SLC25A19: variants seen among roughly 807,000 people sequenced by gnomAD.
The protein encoded by SLC25A19 is mitochondrial thiamine pyrophosphate carrier.
In SLC25A19, 18 loss-of-function variants were observed where a neutral mutation model predicts 27.9. The ratio of observed to expected loss-of-function variants is 0.64; its 90% CI spans 0.45 to 0.96. The LOEUF (loss-of-function observed/expected upper bound fraction) is 0.96, where lower values mean the gene tolerates loss of function less well. SLC25A19 is among the 40% of genes least tolerant of loss of function. SLC25A19 has a pLI of 0.00. For missense variants in SLC25A19, 371 were observed against 418.3 expected (o/e 0.89, Z 0.99); for synonymous variants, 169 against 167.1 (o/e 1.01, Z -0.09).
chr17:75,282,793 A>G (rs1171808336), intron 5 of SLC25A19, among the ~76,000 whole-genome samples: 3 of 151,822 alleles, frequency 2.0e-5, no homozygotes, highest in Non-Finnish European at 4.4e-5. Context: ...CGGAGCTTGC[A>G]GTAGCCGAGA....
chr17:75,277,213 G>T, intron 7 of SLC25A19, 140 bp downstream of exon 7: 1 of 1,087,046 alleles, frequency 9.2e-7, no homozygotes, highest in Non-Finnish European at 1.3e-6. Context: ...ACATGCTTAG[G>T]GATCTCAAGG....
At chr17:75,281,407 T>TCG (rs1229201012) in intron 5 of SLC25A19, among the ~76,000 whole-genome samples, 2 of 152,036 alleles carry the variant, frequency 1.3e-5, no homozygotes, top group Admixed American at 6.6e-5. Context: ...CCAAAGACAC[T>TCG]CGCAATTGGC....
chr17:75,288,285 C>G (rs1315621833), intron 2 of SLC25A19: 1 of 152,214 alleles, frequency 6.6e-6, no homozygotes, highest in Non-Finnish European at 1.5e-5. Flanking sequence ...CTGCTTCTGC[C>G]CAGTTCCTGG....
intron 7 of SLC25A19, 147 bp downstream of exon 7, chr17:75,277,206 T>C (rs2077911414): frequency 4.8e-6 from 5 of 1,035,056 alleles, no homozygotes; most frequent in Non-Finnish European, 7.0e-6. Flanking sequence ...CTTTCCCACA[T>C]GCTTAGGGAT....
chr17:75,279,984 A>G (rs1242981974), intron 5 of SLC25A19, among the ~76,000 whole-genome samples: 1 of 152,016 alleles, frequency 6.6e-6, no homozygotes, highest in Non-Finnish European at 1.5e-5. Context: ...TTTTGTAGAG[A>G]GCCATGTTGC....
intron 4 of SLC25A19, among the ~76,000 whole-genome samples, chr17:75,284,934 A>G (rs1044059342): frequency 6.7e-6 from 1 of 148,638 alleles, no homozygotes; most frequent in African/African-American, 2.5e-5. Context: ...TGAGCCACCG[A>G]GCTTGGCCCT....
At position 75,273,776 on chromosome 17, in the gene SLC25A19, G is replaced by A. The variant is rs200303259; in HGVS notation, c.775-137C>T. 1.1e-3 allele frequency: 473 copies of A among 433,404 alleles called. 6 individuals carry two copies. In the East Asian group the frequency reaches 0.028, roughly 26 times the overall value. The allele number at this position is 433,404 out of a possible 1,614,324, so 26.8% of individuals were successfully genotyped here. A position where few individuals can be genotyped will look rare whatever the true frequency, so the allele number is the denominator to read the frequency against. The stretch of plus-strand genomic sequence containing the variant: ...AAATAGCAAATTATTTTATTTTTTC[G>A]TTGAGGCAGAGTCTCACTCTGTTGC... On this transcript the variant is annotated intron_variant, in intron 7 of 7. Coordinates refer to ENST00000416858, the MANE Select transcript of SLC25A19 (RefSeq NM_001126121.2).
intron 7 of SLC25A19, chr17:75,273,995 C>T: frequency 3.1e-6 from 1 of 323,326 alleles, no homozygotes; most frequent in East Asian, 8.5e-5. Context: ...CTCCTGACCT[C>T]AGGTGATCCA....
rs756761648 is a variant in SLC25A19 at position 75,277,497 on chromosome 17, G to T, written c.644-14C>A. ...TTTGGAGGTTCTCTGAACCAGAGAA[G>T]TGGGATTGGGAGAATGGATGAGAGA... On this transcript the variant is annotated splice_polypyrimidine_tract_variant and intron_variant, in intron 6 of 7. Coordinates refer to ENST00000416858, the MANE Select transcript of SLC25A19 (RefSeq NM_001126121.2). 6.2e-7 allele frequency: 1 copy of T among 1,613,626 alleles called. No homozygotes were observed. The highest frequency in any genetic ancestry group is 1.3e-5 in the African/African-American group (1 of 74,928).
At chr17:75,280,783 A>G (rs2078020337) in intron 5 of SLC25A19, among the ~76,000 whole-genome samples, 1 of 151,268 alleles carries the variant, frequency 6.6e-6, no homozygotes, top group African/African-American at 2.4e-5. Context: ...ACTTCATCTG[A>G]AAAAAAAATT....
At chr17:75,276,317 T>C (rs2077885929) in intron 7 of SLC25A19, among the ~76,000 whole-genome samples, 1 of 152,180 alleles carries the variant, frequency 6.6e-6, no homozygotes, top group Non-Finnish European at 1.5e-5. Context: ...ATATATAACC[T>C]AGTTGCTCAA....
chr17:75,288,616 AC>A (rs2078236798), intron 1 of SLC25A19, 25 bp from the exon 2 acceptor site: 1 of 149,704 alleles, frequency 6.7e-6, no homozygotes, highest in Non-Finnish European at 1.5e-5. Context: ...AGGAAGGTAG[AC>A]CTGTCGATAA....
rs558769002 is a variant in SLC25A19 at position 75,276,820 on chromosome 17, G to A, written c.774+533C>T. ...CTCCCGAGTAGCTGGGACTACACGTGCCCACCACCACGCCCGGCTAATTTT... is the reference window on the plus strand; with the variant it reads ...CTCCCGAGTAGCTGGGACTACACGTACCCACCACCACGCCCGGCTAATTTT... On this transcript the variant is annotated intron_variant, in intron 7 of 7. Coordinates refer to ENST00000416858, the MANE Select transcript of SLC25A19 (RefSeq NM_001126121.2). 9.6e-5 allele frequency among the ~76,000 whole-genome samples: 14 copies of A among 145,816 alleles called. 1 individual carries two copies. The South Asian group carries it at 2.8e-3, about 30-fold the overall frequency.
In SLC25A19 at chr17:75,284,644, T is replaced by TC. The variant is rs1319851019; in HGVS notation, c.289-1052_289-1051insG. Among the ~76,000 whole-genome samples, 70 of 149,600 alleles carry TC rather than the reference T, an allele frequency of 4.7e-4. 2 individuals are homozygous for TC. The highest frequency in any genetic ancestry group is 1.7e-3 in the African/African-American group (69 of 40,740). On this transcript the variant is annotated intron_variant, in intron 4 of 7. Transcript: ENST00000416858. ...ACATTCAGATCTTTCTTTTTTTTTT[T>TC]TTTTTTTTTTTTTTAGGGACAAGAG...
chr17:75,289,227 C>T (rs905947794), intron 1 of SLC25A19, 127 bp downstream of exon 1: 4 of 152,282 alleles, frequency 2.6e-5, no homozygotes, highest in African/African-American at 7.2e-5. Flanking sequence ...TGGTGTGACA[C>T]GTGTGTACAC....
intron 1 of SLC25A19, chr17:75,289,066 T>C (rs1437920126): frequency 6.6e-6 from 1 of 152,294 alleles, no homozygotes; most frequent in African/African-American, 2.4e-5. Context: ...TGAGCAAATC[T>C]GCAGAGGTCC....
intron 7 of SLC25A19, 55 bp downstream of exon 7, chr17:75,277,298 A>G (rs2077914632): frequency 1.2e-6 from 2 of 1,602,720 alleles, no homozygotes; most frequent in East Asian, 2.2e-5. Context: ...TGGTTCCCTC[A>G]TGTGCCCAGT....
intron 4 of SLC25A19, among the ~76,000 whole-genome samples, chr17:75,284,598 G>A (rs1238622334): frequency 6.9e-6 from 1 of 145,516 alleles, no homozygotes; most frequent in African/African-American, 2.6e-5. Flanking sequence ...TTGGGAGCAT[G>A]TTCCACAGGG....
chr17:75,273,314 TG>T lies in SLC25A19; in HGVS notation c.*136del. On this transcript the variant is annotated 3_prime_UTR_variant, in exon 8 of 8. Transcript: ENST00000416858. ...CTGGACCTTCTGGTGGTGTCCCAGC[TG>T]GGTGGGTTCAAGGCTGCTACCCCGC... The T allele has an allele frequency of 1.2e-6, 1 of 851,228 alleles. No individual in the cohort carries two copies. Among genetic ancestry groups the T allele is most frequent in the Non-Finnish European group, 1.9e-6 (1 of 536,532 alleles). 52.7% of individuals were successfully genotyped at this position (851,228 alleles called of 1,614,324 possible). A position where few individuals can be genotyped will look rare whatever the true frequency, so the allele number is the denominator to read the frequency against.
Sources: allele counts gnomAD v4.1 joint callset (sites outside exome capture counted in the v4.1 genomes callset), GRCh38; gene constraint gnomAD v4.1.1; transcripts MANE v1.5; gene names NCBI Gene and HGNC (gene_info 2026-07-23, HGNC 2026-07-21).